ABCA10: variants seen among roughly 807,000 people sequenced by gnomAD.
The protein encoded by ABCA10 is ATP binding cassette subfamily A member 10.
ABCA10 carries 169 observed loss-of-function variants against 187.5 expected under a neutral mutation model. The ratio of observed to expected loss-of-function variants is 0.90; its 90% CI spans 0.80 to 1.02. ABCA10 has a LOEUF of 1.02. Among genes scored for constraint, ABCA10 ranks in the 50% least tolerant of loss-of-function variants. ABCA10 has a pLI of 0.00. For missense variants in ABCA10, 1,727 were observed against 1,812.4 expected, an observed-to-expected ratio of 0.95 and a Z score of 0.86; for synonymous variants, 574 against 601.8, an observed-to-expected ratio of 0.95 and a Z score of 0.68.
intron 11 of ABCA10, among the ~76,000 whole-genome samples, chr17:69,195,536 T>C (rs2074491859): frequency 7.0e-6 from 1 of 141,954 alleles, no homozygotes. Context: ...TGAAGCATTA[T>C]CAAACAATGA....
intron 18 of ABCA10, among the ~76,000 whole-genome samples, chr17:69,189,412 T>C (rs1326399243): frequency 6.6e-6 from 1 of 152,210 alleles, no homozygotes; most frequent in Non-Finnish European, 1.5e-5. Flanking sequence ...TTATAGATTC[T>C]GGATATTATA....
chr17:69,154,034 T>TC (rs1568048268), intron 31 of ABCA10, 25 bp from the exon 32 acceptor site: 2 of 1,606,378 alleles, frequency 1.2e-6, no homozygotes, highest in Middle Eastern at 1.7e-4. Flanking sequence ...GAATGTCAGA[T>TC]TCACCTTTGG....
chr17:69,162,155 A>G (rs992974123), intron 27 of ABCA10, among the ~76,000 whole-genome samples: 1 of 152,216 alleles, frequency 6.6e-6, no homozygotes, highest in Non-Finnish European at 1.5e-5. Flanking sequence ...TTAGCAGAAG[A>G]CAAGAGCAGA....
chr17:69,151,856 G>A (rs1478943760), intron 36 of ABCA10, among the ~76,000 whole-genome samples, 187 bp downstream of exon 36: 5 of 152,018 alleles, frequency 3.3e-5, no homozygotes, highest in Non-Finnish European at 7.4e-5. Context: ...CTTTTCTGAG[G>A]TCTAAAACAC....
At chr17:69,151,898 G>A (rs552995661) in intron 36 of ABCA10, 145 bp downstream of exon 36, 31 of 1,249,472 alleles carry the variant, frequency 2.5e-5, no homozygotes, top group East Asian at 1.4e-4. Flanking sequence ...TTTTTGTAAC[G>A]CATCCTAGCA....
Position 69,228,390 on chromosome 17 carries a change from C to T in ABCA10, c.-313+191G>A, listed in dbSNP as rs193089137. On this transcript the variant is annotated intron_variant, in intron 1 of 38. Coordinates refer to ENST00000690296, the MANE Select transcript of ABCA10 (RefSeq NM_001377321.1). ...CTGAATCTAGCCATCTTTCATTTAT[C>T]ACACTAAAATGTTACATAAGTTTTT... Among the ~76,000 whole-genome samples, 24 of 152,030 alleles carry T rather than the reference C, an allele frequency of 1.6e-4. 1 individual carries two copies. In the East Asian group the frequency reaches 4.4e-3, roughly 28 times the overall value.
chr17:69,202,488 A>G lies in ABCA10; in HGVS notation c.1007-820T>C, dbSNP rs560930458. Among the ~76,000 whole-genome samples the G allele has an allele frequency of 1.6e-4, 25 of 152,314 alleles. 2 individuals carry two copies. In the South Asian group the frequency reaches 3.9e-3, roughly 24 times the overall value. On this transcript the variant is annotated intron_variant, in intron 9 of 38. Transcript: ENST00000690296. ...TGGACAACTGTTGTCAAATAGGAAAAGGACATAGAAAGGAAGAAAATTAAA... is the reference window on the plus strand; with the variant it reads ...TGGACAACTGTTGTCAAATAGGAAAGGGACATAGAAAGGAAGAAAATTAAA...
chr17:69,208,565 C>CA lies in ABCA10; in HGVS notation c.1006+6138dup, dbSNP rs543321738. Reference sequence around the variant, plus strand: ...AACTTATTTCTTCCTCTACCCACTACAAAAAATTCTCATTTTGTCTGCTAG... The same window carrying CA: ...AACTTATTTCTTCCTCTACCCACTACAAAAAAATTCTCATTTTGTCTGCTAG... On this transcript the variant is annotated intron_variant, in intron 9 of 38. Coordinates refer to ENST00000690296, the MANE Select transcript of ABCA10 (RefSeq NM_001377321.1). 1.5e-3 allele frequency among the ~76,000 whole-genome samples: 229 copies of CA among 151,954 alleles called. 2 individuals are homozygous for CA. The highest frequency in any genetic ancestry group is 5.4e-3 in the African/African-American group (224 of 41,450).
At position 69,219,753 on chromosome 17, in the gene ABCA10, C is replaced by T. The variant is rs1568073673; in HGVS notation, c.322G>A (p.Val108Ile). The T allele has an allele frequency of 2.5e-6, 4 of 1,595,962 alleles. No homozygotes were observed. Among genetic ancestry groups the T allele is most frequent in the Non-Finnish European group, 3.4e-6 (4 of 1,171,840 alleles). ...ATAACTGATGTCAACTCCTCCATTA[C>T]AGAATGATTTGTTGTGACCTAAATT... ...AIIEVTTNHS[V>I]MEELTSVIGI... The change falls in exon 6 of 39, where the codon GTA becomes ATA. Residue 108 changes from valine to isoleucine, a missense_variant. Coordinates refer to ENST00000690296, the MANE Select transcript of ABCA10 (RefSeq NM_001377321.1).
Position 69,219,762 on chromosome 17 carries a change from T to C in ABCA10, c.313A>G (p.Asn105Asp), listed in dbSNP as rs753380282. 2.1e-5 allele frequency: 34 copies of C among 1,581,976 alleles called. No homozygotes were observed. The highest frequency in any genetic ancestry group is 2.9e-5 in the Non-Finnish European group (34 of 1,164,436). Reference protein sequence around the residue: ...INAAIIEVTTNHSVMEELTSV... With the variant: ...INAAIIEVTTDHSVMEELTSV... ...GTCAACTCCTCCATTACAGAATGAT[T>C]TGTTGTGACCTAAATTGGGACATTA... The change falls in exon 6 of 39, where the codon AAT becomes GAT. Residue 105 changes from asparagine (N) to aspartate (D), a missense_variant. Transcript: ENST00000690296.
At chr17:69,191,953 C>A (rs1156263562) in intron 16 of ABCA10, among the ~76,000 whole-genome samples, 2 of 152,156 alleles carry the variant, frequency 1.3e-5, no homozygotes, top group African/African-American at 4.8e-5. Context: ...AAATTTAGGC[C>A]AAATTGTTTT....
In ABCA10 at chr17:69,155,810, C is replaced by T. The variant is rs1299514517; in HGVS notation, c.3571G>A (p.Glu1191Lys). ...GTCTAATCCCTGCTGTTCACCTCCT[C>T]CAAGTTTGGAGCAGTGAGTGCATTT... ...AANALTAPNL[E>K]EEPVITASCL... is the part of the protein sequence containing the mutation. The change falls in exon 29 of 39, where the codon GAG becomes AAG. Residue 1191 changes from glutamate (E) to lysine (K), a missense_variant. Physicochemically the swap from Glu to Lys is moderately conservative, Grantham distance 56. Coordinates refer to ENST00000690296, the MANE Select transcript of ABCA10 (RefSeq NM_001377321.1). The T allele has an allele frequency of 6.2e-7, 1 of 1,613,476 alleles. No individual in the cohort carries two copies. The highest frequency in any genetic ancestry group is 1.3e-5 in the African/African-American group (1 of 74,922).
chr17:69,195,513 T>C (rs1364524556), intron 11 of ABCA10, among the ~76,000 whole-genome samples: 1 of 151,384 alleles, frequency 6.6e-6, no homozygotes, highest in African/African-American at 2.4e-5. Flanking sequence ...AGAAATGTTT[T>C]TGTGTTTTAA....
Position 69,179,104 on chromosome 17 carries a change from C to T in ABCA10, c.2769+3049G>A, listed in dbSNP as rs535451951. 5.3e-5 allele frequency: 8 copies of T among 152,048 alleles called. No homozygotes were observed. The South Asian group carries it at 1.0e-3, about 20-fold the overall frequency. 9.4% of individuals were successfully genotyped at this position (152,048 alleles called of 1,614,324 possible). ...AGATTAAAGAGCTCTATCTGTTGAA[C>T]CCAGGAGGCGGAGGTTGCAGTGAGC... On this transcript the variant is annotated intron_variant, in intron 22 of 38. Transcript: ENST00000690296.
At chr17:69,231,787 G>A (rs979019218), upstream of ABCA10, among the ~76,000 whole-genome samples, 3 of 151,982 alleles carry the variant, frequency 2.0e-5, no homozygotes, top group African/African-American at 7.3e-5. Flanking sequence ...ATATCCATCT[G>A]GTCTAATATG....
intron 1 of ABCA10, chr17:69,234,694 G>A (rs1023359434): frequency 2.0e-5 from 3 of 152,164 alleles, no homozygotes; most frequent in African/African-American, 7.2e-5. Context: ...CTTCTATTAT[G>A]TCATCTTGCT....
Position 69,222,584 on chromosome 17 carries a change from A to T in ABCA10, c.148T>A (p.Phe50Ile). ...ACTGGGATTCTATATCCCCAATTAA[A>T]CTTCAGGCGATATGAGAAAGTATCA... The part of the protein sequence containing the change: ...FSDTFSYRLK[F>I]NWGYRIPVIK... Residue 50 changes from phenylalanine (F) to isoleucine (I), a missense_variant, in exon 4 of 39, where the codon TTT (phenylalanine) becomes ATT (isoleucine). Coordinates refer to ENST00000690296, the MANE Select transcript of ABCA10 (RefSeq NM_001377321.1). 6.3e-7 allele frequency: 1 copy of T among 1,598,864 alleles called. No homozygotes were observed.
chr17:69,231,627 A>G (rs2144859830), upstream of ABCA10, among the ~76,000 whole-genome samples: 1 of 152,262 alleles, frequency 6.6e-6, no homozygotes, highest in South Asian at 2.1e-4. Flanking sequence ...GTGGTCAGAA[A>G]AGCTACTTGA....
intron 22 of ABCA10, among the ~76,000 whole-genome samples, chr17:69,181,596 T>C (rs2074381333): frequency 6.6e-6 from 1 of 152,010 alleles, no homozygotes. Context: ...AAGTGATAGG[T>C]TACATCTAAT....
Sources: gnomAD v4.1 joint callset for allele counts (sites outside exome capture counted in the v4.1 genomes callset) on GRCh38, gnomAD v4.1.1 for gene constraint, MANE v1.5 for transcripts, NCBI Gene and HGNC (gene_info 2026-07-23, HGNC 2026-07-21) for gene names.